PTPRG: variants seen among roughly 807,000 people sequenced by gnomAD.
PTPRG encodes receptor-type tyrosine-protein phosphatase gamma.
PTPRG carries 102 observed loss-of-function variants against 165.3 expected under a neutral mutation model. The ratio of observed to expected loss-of-function variants is 0.62; its 90% CI spans 0.53 to 0.73. The LOEUF is 0.73. Among genes scored for constraint, PTPRG ranks in the 30% least tolerant of loss-of-function variants. The pLI, the probability that PTPRG is intolerant of heterozygous loss-of-function variation, is 0.00. For missense variants in PTPRG, 1,866 were observed against 1,861.4 expected (o/e 1.00, Z -0.05); for synonymous variants, 675 against 669.5 (o/e 1.01, Z -0.13).
chr3:61,588,736 G>A (rs1018169494), intron 1 of PTPRG, among the ~76,000 whole-genome samples: 1 of 152,140 alleles, frequency 6.6e-6, no homozygotes. Flanking sequence ...ATGAGCCGCC[G>A]CGCCCGGCCC....
In PTPRG at chr3:62,075,687, G is replaced by A. The variant is rs181853114; in HGVS notation, c.520-2476G>A. Among the ~76,000 whole-genome samples the A allele has an allele frequency of 4.0e-3, 604 of 152,286 alleles. 2 individuals are homozygous for A. The highest frequency in any genetic ancestry group is 7.3e-3 in the Non-Finnish European group (497 of 68,020). On this transcript the variant is annotated intron_variant, in intron 4 of 29. Transcript: ENST00000474889. Reference sequence around the variant, plus strand: ...ATGCCGTTGTATTCTTAGCATTTGAGTTAATTCAGTCATCAGAACTCTGTT... The same window carrying A: ...ATGCCGTTGTATTCTTAGCATTTGAATTAATTCAGTCATCAGAACTCTGTT...
chr3:61,585,484 A>T (rs1322502669), intron 1 of PTPRG, among the ~76,000 whole-genome samples: 1 of 149,060 alleles, frequency 6.7e-6, no homozygotes, highest in Non-Finnish European at 1.5e-5. Flanking sequence ...GGTGGCTCCC[A>T]CCTAAATCCC....
At position 61,680,514 on chromosome 3, in the gene PTPRG, A is replaced by AAC. The variant is rs1559554503; in HGVS notation, c.86-68363_86-68362insCA. Among the ~76,000 whole-genome samples, 4 of 146,466 alleles carry AAC rather than the reference A, an allele frequency of 2.7e-5. 1 individual carries two copies. The highest frequency in any genetic ancestry group is 3.0e-5 in the Non-Finnish European group (2 of 66,230). ...ATTCAGCTTTATGAAAAAAAAAAAA[A>AAC]AAAACACAAAAAAACAGCATGGGAG... On this transcript the variant is annotated intron_variant, in intron 1 of 29. Coordinates refer to ENST00000474889, the MANE Select transcript of PTPRG (RefSeq NM_002841.4).
chr3:61,958,262 G>C (rs1037846286), intron 2 of PTPRG, among the ~76,000 whole-genome samples: 3 of 152,012 alleles, frequency 2.0e-5, no homozygotes, highest in African/African-American at 7.3e-5. Flanking sequence ...AACCAGCTGG[G>C]ACTATAGCTT....
intron 2 of PTPRG, among the ~76,000 whole-genome samples, chr3:61,793,679 G>A (rs192731704): frequency 6.0e-4 from 91 of 152,258 alleles, no homozygotes; most frequent in Middle Eastern, 6.8e-3. Context: ...ATTCTTACCA[G>A]CCAAGACCTT....
At chr3:62,292,013 T>C (rs753157739) in intron 28 of PTPRG, among the ~76,000 whole-genome samples, 3 of 152,178 alleles carry the variant, frequency 2.0e-5, no homozygotes, top group Non-Finnish European at 4.4e-5. Flanking sequence ...TTTAACTGTT[T>C]GGAATTGTTA....
intron 19 of PTPRG, among the ~76,000 whole-genome samples, chr3:62,268,428 A>G (rs1309272639): frequency 1.3e-5 from 2 of 152,268 alleles, no homozygotes; most frequent in African/African-American, 4.8e-5. Flanking sequence ...TCAAACCACT[A>G]TGGCACATGA....
chr3:61,671,489 A>G (rs1414439505), intron 1 of PTPRG, among the ~76,000 whole-genome samples: 1 of 150,782 alleles, frequency 6.6e-6, no homozygotes, highest in Non-Finnish European at 1.5e-5. Flanking sequence ...CCCAAGGCAG[A>G]AGAATTTTTC....
intron 5 of PTPRG, among the ~76,000 whole-genome samples, chr3:62,097,390 G>T (rs1044307973): frequency 6.6e-6 from 1 of 152,140 alleles, no homozygotes; most frequent in African/African-American, 2.4e-5. Flanking sequence ...CAACAGCACC[G>T]AGTGTTCTCT....
chr3:61,871,478 A>G lies in PTPRG; in HGVS notation c.191-118147A>G, dbSNP rs563624673. Among the ~76,000 whole-genome samples the G allele has an allele frequency of 4.6e-5, 7 of 152,180 alleles. No homozygotes were observed. In the East Asian group the frequency reaches 1.4e-3, roughly 29 times the overall value. ...CTTGGCTTCTCAACATGCTGGGATTATAGGCATGAGCTACCACACCCGGCC... is the reference window on the plus strand; with the variant it reads ...CTTGGCTTCTCAACATGCTGGGATTGTAGGCATGAGCTACCACACCCGGCC... On this transcript the variant is annotated intron_variant, in intron 2 of 29. Transcript: ENST00000474889.
intron 1 of PTPRG, among the ~76,000 whole-genome samples, chr3:61,683,468 TA>T (rs1314700280): frequency 1.1e-4 from 17 of 152,324 alleles, no homozygotes; most frequent in Admixed American, 9.8e-4. Context: ...GTGGTTCCCA[TA>T]CTATTCAGTT....
At chr3:61,718,870 T>C (rs1001911249) in intron 1 of PTPRG, among the ~76,000 whole-genome samples, 4 of 152,168 alleles carry the variant, frequency 2.6e-5, no homozygotes, top group Non-Finnish European at 5.9e-5. Flanking sequence ...CCAGGAGTCA[T>C]TGAATTGCCA....
chr3:61,978,609 C>T (rs914752607), intron 2 of PTPRG, among the ~76,000 whole-genome samples: 7 of 152,146 alleles, frequency 4.6e-5, no homozygotes, highest in Non-Finnish European at 8.8e-5. Flanking sequence ...TATTAAGTTG[C>T]TGGTACATAA....
chr3:62,273,956 TTTGTACTCC>T lies in PTPRG; in HGVS notation c.3465+124_3465+132del, dbSNP rs1702154480. 1 of 1,036,166 alleles carries T rather than the reference TTTGTACTCC, an allele frequency of 9.7e-7. No homozygotes were observed. The highest frequency in any genetic ancestry group is 1.4e-6 in the Non-Finnish European group (1 of 707,394). The allele number at this position is 1,036,166 out of a possible 1,614,324, so 64.2% of individuals were successfully genotyped here. A position where few individuals can be genotyped will look rare whatever the true frequency, so the allele number is the denominator to read the frequency against. The stretch of plus-strand genomic sequence containing the variant: ...ATGTATACACCGAAATGGATTACTA[TTTGTACTCC>T]TTGTACTCCTTAAATGTGATGAAAA... On this transcript the variant is annotated intron_variant, in intron 23 of 29. Transcript: ENST00000474889. The surrounding 1 kb of genome is among the most constrained non-coding windows in gnomAD (Gnocchi z 4.1).
chr3:61,612,721 T>C (rs1701205612), intron 1 of PTPRG, among the ~76,000 whole-genome samples: 1 of 152,210 alleles, frequency 6.6e-6, no homozygotes, highest in Non-Finnish European at 1.5e-5. Context: ...AGAGCAGTTA[T>C]GTCCCATAAT....
chr3:61,834,226 A>AG (rs1357190437), intron 2 of PTPRG, among the ~76,000 whole-genome samples: 2 of 152,200 alleles, frequency 1.3e-5, no homozygotes, highest in Admixed American at 1.3e-4. Flanking sequence ...TGCAACTGTT[A>AG]GATGGAGCTT....
At chr3:62,225,310 A>T (rs1281287912) in intron 13 of PTPRG, among the ~76,000 whole-genome samples, 1 of 152,194 alleles carries the variant, frequency 6.6e-6, no homozygotes, top group Non-Finnish European at 1.5e-5. Context: ...CTCAGAGAGA[A>T]GAGGAAAATT....
rs1349644804 is a variant in PTPRG, at chr3:62,203,154, G to A, written c.1378-19G>A. 6.4e-7 allele frequency: 1 copy of A among 1,551,036 alleles called. No homozygotes were observed. The highest frequency in any genetic ancestry group is 8.7e-7 in the Non-Finnish European group (1 of 1,146,688). ...CTTCTTCTGCCTCTTTTCCACCCTT[G>A]CCGGGTGACCCTTTCCAGCCCACAG... On this transcript the variant is annotated intron_variant, in intron 11 of 29. Transcript: ENST00000474889. The surrounding 1 kb of genome is among the most constrained non-coding windows in gnomAD (Gnocchi z 6.4).
At chr3:62,158,135 G>A (rs1409326776) in intron 7 of PTPRG, among the ~76,000 whole-genome samples, 2 of 152,182 alleles carry the variant, frequency 1.3e-5, no homozygotes, top group East Asian at 1.9e-4. Context: ...GGTAGGAACT[G>A]ATGAACTGGA....
Sources: allele counts gnomAD v4.1 joint callset (sites outside exome capture counted in the v4.1 genomes callset), GRCh38; gene constraint gnomAD v4.1.1; non-coding constraint Gnocchi (gnomAD v3.1); transcripts MANE v1.5; gene names NCBI Gene and HGNC (gene_info 2026-07-23, HGNC 2026-07-21).